KCNT2: variants seen among roughly 807,000 people sequenced by gnomAD.
The protein encoded by KCNT2 is potassium sodium-activated channel subfamily T member 2.
A neutral mutation model predicts 153.8 loss-of-function variants in KCNT2; 67 were observed. That is an observed-to-expected ratio of 0.44 (90% confidence interval 0.36 to 0.53). The LOEUF (loss-of-function observed/expected upper bound fraction) is 0.53, where lower values mean the gene tolerates loss of function less well. Among genes scored for constraint, KCNT2 ranks in the 20% least tolerant of loss-of-function variants. The pLI, the probability that KCNT2 is intolerant of heterozygous loss-of-function variation, is 0.00. For missense variants in KCNT2, 975 were observed against 1,354.8 expected (o/e 0.72, Z 4.40); for synonymous variants, 500 against 458.8 (o/e 1.09, Z -1.15).
chr1:196,287,724 G>C (rs1369983837), intron 22 of KCNT2, among the ~76,000 whole-genome samples: 1 of 151,952 alleles, frequency 6.6e-6, no homozygotes, highest in Non-Finnish European at 1.5e-5. Flanking sequence ...CGTTGAGAAC[G>C]TACTTTGTGT....
intron 1 of KCNT2, among the ~76,000 whole-genome samples, chr1:196,553,462 A>G (rs1658222574): frequency 1.3e-5 from 2 of 151,128 alleles, no homozygotes; most frequent in South Asian, 4.1e-4. Flanking sequence ...AGAACAAATG[A>G]ACATAATAGA....
intron 21 of KCNT2, among the ~76,000 whole-genome samples, chr1:196,311,629 T>C (rs1479325026): frequency 6.6e-6 from 1 of 151,846 alleles, no homozygotes; most frequent in Non-Finnish European, 1.5e-5. Context: ...GTACCCATTC[T>C]GCCCTAAACA....
intron 1 of KCNT2, among the ~76,000 whole-genome samples, chr1:196,554,030 G>C (rs1658311546): frequency 6.6e-6 from 1 of 150,772 alleles, no homozygotes; most frequent in South Asian, 2.1e-4. Context: ...AGAAACGTTA[G>C]AAATATTTAT....
At chr1:196,270,877 AC>A (rs1343551033) in intron 25 of KCNT2, among the ~76,000 whole-genome samples, 2 of 151,762 alleles carry the variant, frequency 1.3e-5, no homozygotes, top group Non-Finnish European at 2.9e-5. Flanking sequence ...CCTACACACT[AC>A]AAGGTAGGCC....
chr1:196,535,254 C>T (rs1020838698), intron 1 of KCNT2, among the ~76,000 whole-genome samples: 5 of 152,158 alleles, frequency 3.3e-5, no homozygotes, highest in African/African-American at 1.2e-4. Context: ...GTGGTCAACA[C>T]CATCTCATTT....
chr1:196,230,700 C>T (rs1241707435), intron 27 of KCNT2, among the ~76,000 whole-genome samples: 1 of 151,792 alleles, frequency 6.6e-6, no homozygotes, highest in African/African-American at 2.4e-5. Context: ...GAAGTGGAGC[C>T]CAAAGATGTG....
intron 1 of KCNT2, among the ~76,000 whole-genome samples, chr1:196,558,574 C>T (rs1658989911): frequency 6.6e-6 from 1 of 151,238 alleles, no homozygotes; most frequent in Non-Finnish European, 1.5e-5. Context: ...CGAAACCTGG[C>T]CAGTAATTTG....
At chr1:196,560,137 C>G (rs1208602673) in intron 1 of KCNT2, among the ~76,000 whole-genome samples, 1 of 151,848 alleles carries the variant, frequency 6.6e-6, no homozygotes, top group African/African-American at 2.4e-5. Context: ...CTGCACTAAA[C>G]TTGGCATAAA....
intron 25 of KCNT2, among the ~76,000 whole-genome samples, chr1:196,274,406 T>C (rs1658360283): frequency 6.6e-6 from 1 of 151,670 alleles, no homozygotes; most frequent in Non-Finnish European, 1.5e-5. Context: ...CATTTGATTG[T>C]GGGTTTCTTG....
intron 1 of KCNT2, among the ~76,000 whole-genome samples, chr1:196,500,142 A>T (rs973965610): frequency 2.7e-5 from 4 of 150,256 alleles, no homozygotes; most frequent in Non-Finnish European, 4.4e-5. Context: ...AGACTCCATC[A>T]AAAAAAAGGG....
At chr1:196,522,530 T>TC (rs1221287742) in intron 1 of KCNT2, among the ~76,000 whole-genome samples, 1 of 152,194 alleles carries the variant, frequency 6.6e-6, no homozygotes, top group Non-Finnish European at 1.5e-5. Context: ...TAATATGACT[T>TC]CATACTCCTT....
chr1:196,486,349 A>G (rs1679417884), intron 3 of KCNT2, among the ~76,000 whole-genome samples: 2 of 152,048 alleles, frequency 1.3e-5, no homozygotes, highest in South Asian at 4.1e-4. Context: ...AAACCCAAAT[A>G]TATATCATTT....
chr1:196,337,065 ATCTC>A (rs927160410), intron 16 of KCNT2, among the ~76,000 whole-genome samples: 1 of 151,436 alleles, frequency 6.6e-6, no homozygotes, highest in Non-Finnish European at 1.5e-5. Flanking sequence ...TTTTCAGCCT[ATCTC>A]TCTCTCTCTC....
intron 1 of KCNT2, among the ~76,000 whole-genome samples, chr1:196,599,554 C>A (rs533492452): frequency 6.6e-6 from 1 of 152,184 alleles, no homozygotes; most frequent in African/African-American, 2.4e-5. Context: ...ATGATTCTCA[C>A]CCTTTAAAGC....
intron 21 of KCNT2, among the ~76,000 whole-genome samples, chr1:196,312,924 T>C (rs1264967849): frequency 6.6e-6 from 1 of 151,704 alleles, no homozygotes; most frequent in African/African-American, 2.4e-5. Flanking sequence ...AACTGGATCC[T>C]ACCTCTGGAA....
chr1:196,531,150 T>C (rs985831289), intron 1 of KCNT2, among the ~76,000 whole-genome samples: 2 of 152,142 alleles, frequency 1.3e-5, no homozygotes, highest in African/African-American at 4.8e-5. Flanking sequence ...TTCCCATTTC[T>C]TCAAGTGTAG....
intron 1 of KCNT2, among the ~76,000 whole-genome samples, chr1:196,498,428 C>T (rs370961660): frequency 1.3e-5 from 2 of 152,118 alleles, no homozygotes; most frequent in South Asian, 2.1e-4. Context: ...GTGCTTTTTC[C>T]CTCCCTCTTT....
At chr1:196,477,225 C>T (rs558654544) in intron 5 of KCNT2, among the ~76,000 whole-genome samples, 2 of 151,804 alleles carry the variant, frequency 1.3e-5, no homozygotes, top group South Asian at 4.2e-4. Context: ...TTTGTAAAAA[C>T]TTCTTGCTCT....
intron 8 of KCNT2, among the ~76,000 whole-genome samples, chr1:196,436,442 C>A (rs1343365362): frequency 6.6e-6 from 1 of 151,476 alleles, no homozygotes; most frequent in Non-Finnish European, 1.5e-5. Context: ...AAGGCAAAGA[C>A]AGCTTTAGAA....
Sources: gnomAD v4.1 joint callset for allele counts (sites outside exome capture counted in the v4.1 genomes callset) on GRCh38, gnomAD v4.1.1 for gene constraint, MANE v1.5 for transcripts, NCBI Gene and HGNC (gene_info 2026-07-23, HGNC 2026-07-21) for gene names.